Variants in PRKRIP1 observed in about 807,000 individuals in gnomAD.
PRKRIP1 encodes the protein PRKR-interacting protein 1.
In PRKRIP1, 29 loss-of-function variants were observed where a neutral mutation model predicts 29.3. That is an observed-to-expected ratio of 0.99 (90% confidence interval 0.74 to 1.35). The LOEUF (loss-of-function observed/expected upper bound fraction) is 1.35, where lower values mean the gene tolerates loss of function less well. Among genes scored for constraint, PRKRIP1 ranks in the 40% most tolerant of loss-of-function variants. The pLI is 0.00. For missense variants in PRKRIP1, 247 were observed against 236.8 expected (o/e 1.04, Z -0.28); for synonymous variants, 90 against 85.1 (o/e 1.06, Z -0.32).
At chr7:102,403,075 A>C (rs1381504406) in intron 3 of PRKRIP1, among the ~76,000 whole-genome samples, 1 of 152,076 alleles carries the variant, frequency 6.6e-6, no homozygotes, top group African/African-American at 2.4e-5. Flanking sequence ...GGGTTTCACC[A>C]TGTTGCCCAC....
chr7:102,409,356 A>G (rs1232747127), intron 5 of PRKRIP1, among the ~76,000 whole-genome samples: 1 of 152,148 alleles, frequency 6.6e-6, no homozygotes, highest in Non-Finnish European at 1.5e-5. Flanking sequence ...AAAGTACCTC[A>G]ACACTTTCCC....
chr7:102,404,410 C>T, intron 3 of PRKRIP1, 188 bp from the exon 4 acceptor site: 1 of 611,358 alleles, frequency 1.6e-6, no homozygotes, highest in East Asian at 2.7e-5. Flanking sequence ...CCATCGGAGA[C>T]CTATGTATTG....
intron 3 of PRKRIP1, chr7:102,404,335 C>G: frequency 5.7e-6 from 2 of 351,870 alleles, no homozygotes; most frequent in Non-Finnish European, 5.3e-6. Context: ...GCACTCCCTC[C>G]TGTATTGTCT....
chr7:102,398,264 G>T (rs1191582251), intron 2 of PRKRIP1, among the ~76,000 whole-genome samples: 2 of 150,738 alleles, frequency 1.3e-5, no homozygotes, highest in South Asian at 2.1e-4. Context: ...CAGTATTGCG[G>T]TTTTTTTTGT....
rs560889879 is a variant in PRKRIP1, at chr7:102,397,064, A to G, written c.126+527A>G. Among the ~76,000 whole-genome samples the G allele has an allele frequency of 3.3e-5, 5 of 152,014 alleles. No individual in the cohort carries two copies. The South Asian group carries it at 1.0e-3, about 32-fold the overall frequency. ...TAAAGTTGGCGGTTTCTAGCTGGAAACTATGGCTTAGGTTTTTCAGTTCTG... is the reference window on the plus strand; with the variant it reads ...TAAAGTTGGCGGTTTCTAGCTGGAAGCTATGGCTTAGGTTTTTCAGTTCTG... On this transcript the variant is annotated intron_variant, in intron 1 of 5. Coordinates refer to ENST00000397912, the MANE Select transcript of PRKRIP1 (RefSeq NM_024653.4).
intron 5 of PRKRIP1, among the ~76,000 whole-genome samples, chr7:102,411,386 G>T (rs368167530): frequency 4.6e-4 from 69 of 149,968 alleles, no homozygotes; most frequent in African/African-American, 1.3e-3. Flanking sequence ...TTTTTTTTTT[G>T]TTTGTTTGTT....
At chr7:102,406,684 ACTT>A (rs1554571876) in intron 4 of PRKRIP1, among the ~76,000 whole-genome samples, 1 of 151,996 alleles carries the variant, frequency 6.6e-6, no homozygotes, top group Admixed American at 6.6e-5. Context: ...CCTTTGCAAA[ACTT>A]CTTGCCCCAC....
At chr7:102,405,760 G>C (rs1307755111) in intron 4 of PRKRIP1, 3 of 175,494 alleles carry the variant, frequency 1.7e-5, no homozygotes, top group Non-Finnish European at 4.1e-5. Flanking sequence ...AAAAGTAACT[G>C]CAGTTTTGGA....
At chr7:102,419,018 C>G (rs928802317) in intron 5 of PRKRIP1, among the ~76,000 whole-genome samples, 14 of 152,148 alleles carry the variant, frequency 9.2e-5, no homozygotes, top group Non-Finnish European at 1.5e-4. Flanking sequence ...TCCCCACACT[C>G]CCTTCACAGA....
At chr7:102,418,876 A>G (rs144373680) in intron 5 of PRKRIP1, among the ~76,000 whole-genome samples, 1 of 151,924 alleles carries the variant, frequency 6.6e-6, no homozygotes, top group Non-Finnish European at 1.5e-5. Context: ...TAAAAAAAAA[A>G]TTTGAGACGA....
intron 5 of PRKRIP1, among the ~76,000 whole-genome samples, chr7:102,422,621 C>G (rs1222975091): frequency 6.6e-6 from 1 of 151,808 alleles, no homozygotes; most frequent in Admixed American, 6.6e-5. Context: ...CGATTACAGG[C>G]GTGAGCCACC....
intron 5 of PRKRIP1, chr7:102,423,314 C>T (rs1236517044): frequency 7.8e-6 from 3 of 384,646 alleles, no homozygotes; most frequent in Non-Finnish European, 1.6e-5. Flanking sequence ...GAGGTTTCCC[C>T]CATGTTGGTC....
intron 5 of PRKRIP1, among the ~76,000 whole-genome samples, chr7:102,414,568 C>T (rs934550063): frequency 6.6e-6 from 1 of 152,152 alleles, no homozygotes. Flanking sequence ...CTCCCTTCCC[C>T]CTTTCTGGGG....
At chr7:102,411,454 G>C (rs1221760996) in intron 5 of PRKRIP1, among the ~76,000 whole-genome samples, 1 of 151,560 alleles carries the variant, frequency 6.6e-6, no homozygotes, top group African/African-American at 2.4e-5. Flanking sequence ...GTGCAATCTT[G>C]GCTCACTGCA....
intron 5 of PRKRIP1, among the ~76,000 whole-genome samples, chr7:102,422,143 A>AATTATT (rs34497895): frequency 0.21 from 27,842 of 133,026 alleles, 3,339 homozygotes; most frequent in Middle Eastern, 0.27. Context: ...TCATACACAA[A>AATTATT]ATTATTATTA....
intron 5 of PRKRIP1, among the ~76,000 whole-genome samples, chr7:102,414,772 C>G (rs1554572879): frequency 6.6e-6 from 1 of 152,044 alleles, no homozygotes; most frequent in Non-Finnish European, 1.5e-5. Context: ...GTAGTCCCAG[C>G]TACAAGGGAG....
rs535604981 is a variant in PRKRIP1 at position 102,414,434 on chromosome 7, C to T, written c.457+6936C>T. On this transcript the variant is annotated intron_variant, in intron 5 of 5. Transcript: ENST00000397912. Reference sequence around the variant, plus strand: ...GTACTGCTTAATGAAGCAATTCCTTCATAATTTTTTTAGTGACTGGTAATA... The same window carrying T: ...GTACTGCTTAATGAAGCAATTCCTTTATAATTTTTTTAGTGACTGGTAATA... Among the ~76,000 whole-genome samples the T allele has an allele frequency of 7.9e-5, 12 of 152,294 alleles. No individual in the cohort carries two copies. The South Asian group carries it at 2.1e-3, about 26-fold the overall frequency.
At chr7:102,404,396 T>G in intron 3 of PRKRIP1, 1 of 547,714 alleles carries the variant, frequency 1.8e-6, no homozygotes, top group Admixed American at 3.1e-5. Flanking sequence ...AAAGAGTTAC[T>G]TCGCCATCGG....
chr7:102,397,544 T>C, intron 1 of PRKRIP1, 76 bp from the exon 2 acceptor site: 1 of 1,202,982 alleles, frequency 8.3e-7, no homozygotes, highest in Non-Finnish European at 1.2e-6. Flanking sequence ...AGAACCTGTC[T>C]CTAAAAAAAG....
Sources: gnomAD v4.1 joint callset for allele counts (sites outside exome capture counted in the v4.1 genomes callset) on GRCh38, gnomAD v4.1.1 for gene constraint, MANE v1.5 for transcripts, NCBI Gene and HGNC (gene_info 2026-07-23, HGNC 2026-07-21) for gene names.